Variants in FGF13 observed in about 807,000 individuals in gnomAD.
FGF13 encodes the protein fibroblast growth factor homologous factor 2.
In FGF13, 2 loss-of-function variants were observed where a neutral mutation model predicts 19.5. The ratio of observed to expected loss-of-function variants is 0.10; its 90% CI spans 0.04 to 0.32. The LOEUF is 0.32. FGF13 is among the 10% of genes least tolerant of loss of function. FGF13 has a pLI of 1.00. For synonymous variants in FGF13, 72 were observed against 76.9 expected (o/e 0.94, Z 0.33); for missense variants, 113 against 192.7 (o/e 0.59, Z 2.45).
intron 1 of FGF13, among the ~76,000 whole-genome samples, chrX:138,971,660 G>A (rs2091916541): frequency 9.0e-6 from 1 of 111,456 alleles, no homozygotes; most frequent in Non-Finnish European, 1.9e-5. Context: ...CATATATATT[G>A]TGTAAAAGTC....
chrX:138,711,390 CT>C lies in FGF13; in HGVS notation c.-388del. On this transcript the variant is annotated 5_prime_UTR_variant, in exon 1 of 5. Transcript: ENST00000315930. ...CCGAATTTCGCCGGACCCCCTCGCC[CT>C]GTTGCCCTTCTGATGGGGGCCAGAG... 1 of 549,631 alleles carries C rather than the reference CT, an allele frequency of 1.8e-6. No individual in the cohort carries two copies. Among genetic ancestry groups the C allele is most frequent in the Non-Finnish European group, 2.2e-6 (1 of 451,980 alleles). The allele number at this position is 549,631 out of a possible 1,213,427, so 45.3% of individuals were successfully genotyped here. A position where few individuals can be genotyped will look rare whatever the true frequency, so the allele number is the denominator to read the frequency against.
chrX:139,113,980 T>G (rs1169519332), intron 1 of FGF13, among the ~76,000 whole-genome samples: 2 of 111,954 alleles, frequency 1.8e-5, no homozygotes, highest in Non-Finnish European at 3.8e-5. Context: ...CCCACTTAAT[T>G]TCAATAATTA....
chrX:138,726,820 CTG>C (rs1200972365), intron 1 of FGF13, among the ~76,000 whole-genome samples: 1 of 111,834 alleles, frequency 8.9e-6, no homozygotes, highest in Non-Finnish European at 1.9e-5. Context: ...GAGGTAGGTA[CTG>C]TTATTACTCC....
At chrX:138,778,758 C>T (rs2090612683) in intron 3 of FGF13, among the ~76,000 whole-genome samples, 1 of 112,506 alleles carries the variant, frequency 8.9e-6, no homozygotes, top group Non-Finnish European at 1.9e-5. Context: ...CCGCCATTGC[C>T]CAGGCTTGAT....
intron 1 of FGF13, among the ~76,000 whole-genome samples, chrX:138,717,849 GT>G (rs1569373759): frequency 4.5e-5 from 5 of 111,197 alleles, no homozygotes; most frequent in African/African-American, 1.6e-4. Flanking sequence ...CTGGCTTCAA[GT>G]GATCCTCCCG....
At chrX:138,665,091 C>A (rs2089527402) in intron 3 of FGF13, among the ~76,000 whole-genome samples, 1 of 110,545 alleles carries the variant, frequency 9.0e-6, no homozygotes, top group Admixed American at 9.7e-5. Flanking sequence ...TAGTCTTCTA[C>A]CCTGGAGAGT....
chrX:138,939,658 A>C (rs1195694148), intron 1 of FGF13, among the ~76,000 whole-genome samples: 3 of 111,497 alleles, frequency 2.7e-5, no homozygotes, highest in African/African-American at 9.8e-5. Context: ...CTTATAAGTG[A>C]GAACATACGT....
intron 3 of FGF13, among the ~76,000 whole-genome samples, chrX:138,809,925 T>A: frequency 9.0e-6 from 1 of 111,374 alleles, no homozygotes; most frequent in Non-Finnish European, 1.9e-5. Flanking sequence ...TACAAACCCC[T>A]GCTCAACGAA....
At chrX:138,683,216 T>C (rs1298363963) in intron 3 of FGF13, among the ~76,000 whole-genome samples, 13 of 111,349 alleles carry the variant, frequency 1.2e-4, no homozygotes, top group Admixed American at 1.2e-3. Context: ...TTCCTATTTA[T>C]GCACAAATTA....
chrX:138,697,834 G>C (rs1235986568), intron 3 of FGF13, among the ~76,000 whole-genome samples: 1 of 110,805 alleles, frequency 9.0e-6, no homozygotes, highest in African/African-American at 3.3e-5. Flanking sequence ...TAAGACACTT[G>C]ACTTTCTATA....
At chrX:138,810,829 C>A (rs1477805223) in intron 3 of FGF13, among the ~76,000 whole-genome samples, 2 of 112,082 alleles carry the variant, frequency 1.8e-5, no homozygotes, top group Non-Finnish European at 3.8e-5. Context: ...ATGCAGCCAA[C>A]AGACACATGA....
rs1327920057 is a variant in FGF13, at chrX:138,635,643, G to T, written c.415C>A (p.Pro139Thr). ...GYLYTSELFT[P>T]ECKFKESVFE... ...ACTGATTCTTTGAATTTGCACTCAG[G>T]TGTGAAAAGTTCCTGCAACAAAAGT... The change falls in exon 4 of 5, where the codon CCT becomes ACT. Residue 139 changes from proline (P) to threonine (T), a missense_variant. Pro to Thr is a conservative substitution (Grantham distance 38). Around this residue, in one of 4 missense-constraint regions of FGF13, gnomAD observed 14 missense variants for 44.7 expected, o/e 0.31. Transcript: ENST00000315930. The T allele has an allele frequency of 8.3e-7, 1 of 1,205,913 alleles. No individual in the cohort carries two copies. The highest frequency in any genetic ancestry group is 2.2e-5 in the Admixed American group (1 of 45,957).
chrX:138,800,960 C>T (rs1298221904), intron 3 of FGF13, among the ~76,000 whole-genome samples: 2 of 112,052 alleles, frequency 1.8e-5, no homozygotes, highest in Non-Finnish European at 3.8e-5. Context: ...TCTAAACTGG[C>T]TATTCTAGTT....
chrX:138,662,527 C>A (rs1279695083), intron 3 of FGF13, among the ~76,000 whole-genome samples: 1 of 111,496 alleles, frequency 9.0e-6, no homozygotes, highest in Non-Finnish European at 1.9e-5. Flanking sequence ...CATACTGAAT[C>A]TACATCCAGA....
At chrX:139,002,719 G>A (rs964242132) in intron 1 of FGF13, among the ~76,000 whole-genome samples, 2 of 111,182 alleles carry the variant, frequency 1.8e-5, no homozygotes, top group African/African-American at 6.6e-5. Context: ...AATCAGAGTT[G>A]TGAGTTCTCA....
intron 3 of FGF13, chrX:138,667,628 A>G (rs1447116331): frequency 3.0e-6 from 1 of 336,723 alleles, no homozygotes; most frequent in African/African-American, 2.7e-5. Flanking sequence ...TTCATGAAGC[A>G]TTGGGGTGGT....
Position 138,619,831 on chromosome X carries a change from G to A in FGF13, c.*13019C>T, listed in dbSNP as rs979924938. The A allele has an allele frequency of 8.9e-6, 1 of 112,056 alleles. No individual in the cohort carries two copies. The highest frequency in any genetic ancestry group is 1.9e-5 in the Non-Finnish European group (1 of 53,236). The allele number at this position is 112,056 out of a possible 1,213,427, so 9.2% of individuals were successfully genotyped here. A position where few individuals can be genotyped will look rare whatever the true frequency, so the allele number is the denominator to read the frequency against. On this transcript the variant is annotated 3_prime_UTR_variant, in exon 5 of 5. Coordinates refer to ENST00000315930, the MANE Select transcript of FGF13 (RefSeq NM_004114.5). ...TCAAAAAATGACAGATGCTGGCAAG[G>A]TTGCAGAGAAATAGGAACACTTTTA...
At position 138,624,992 on chromosome X, in the gene FGF13, A is replaced by G. The variant is rs2124075030; in HGVS notation, c.*7858T>C. On this transcript the variant is annotated 3_prime_UTR_variant, in exon 5 of 5. Transcript: ENST00000315930. ...ACTCATACAAGTCAATAGCAAAAAT[A>G]CAAGTAAACTGTATTTTGAAAAATG... 9.0e-6 allele frequency: 1 copy of G among 111,551 alleles called. No individual in the cohort carries two copies. Among genetic ancestry groups the G allele is most frequent in the East Asian group, 2.8e-4 (1 of 3,533 alleles). The allele number at this position is 111,551 out of a possible 1,213,427, so 9.2% of individuals were successfully genotyped here.
intron 1 of FGF13, among the ~76,000 whole-genome samples, chrX:139,137,268 G>A (rs2083808563): frequency 8.9e-6 from 1 of 112,004 alleles, no homozygotes; most frequent in Admixed American, 9.5e-5. Flanking sequence ...TATTCAGGGG[G>A]ATTATATAAG....
Sources: allele counts gnomAD v4.1 joint callset (sites outside exome capture counted in the v4.1 genomes callset), GRCh38; gene constraint gnomAD v4.1.1; regional missense constraint gnomAD v4.1.1; transcripts MANE v1.5; gene names NCBI Gene and HGNC (gene_info 2026-07-23, HGNC 2026-07-21).